SYT2: variants seen among roughly 807,000 people sequenced by gnomAD.
SYT2 encodes synaptotagmin 2.
In SYT2, 15 loss-of-function variants were observed where a neutral mutation model predicts 39.9. That is an observed-to-expected ratio of 0.38 (90% CI 0.25 to 0.58). SYT2 has a LOEUF of 0.58. Ranked by LOEUF, SYT2 falls within the 20% of genes least tolerant of loss-of-function variation. The pLI is 0.70. For synonymous variants in SYT2, 181 were observed against 204.5 expected, an observed-to-expected ratio of 0.89 and a Z score of 0.98; for missense variants, 389 against 530.3, an observed-to-expected ratio of 0.73 and a Z score of 2.62.
At position 202,602,930 on chromosome 1, in the gene SYT2, A is replaced by G; in HGVS notation, c.465+69T>C. On this transcript the variant is annotated intron_variant, in intron 4 of 8. Coordinates refer to ENST00000367268, the MANE Select transcript of SYT2 (RefSeq NM_177402.5). ...ACACATCTCTGAGGGAGCTGTTTCT[A>G]TCCCCCTTCCACCCAACTCCCAGGC... 16 of 1,499,472 alleles carry G rather than the reference A, an allele frequency of 1.1e-5. 1 individual carries two copies. The highest frequency in any genetic ancestry group is 1.3e-5 in the Non-Finnish European group (14 of 1,084,118). 92.9% of individuals were successfully genotyped at this position (1,499,472 alleles called of 1,614,324 possible).
chr1:202,636,489 G>C, intron 1 of SYT2: 2 of 774,578 alleles, frequency 2.6e-6, no homozygotes, highest in Non-Finnish European at 3.1e-6. Flanking sequence ...GAGAAAGACA[G>C]GCATCCCTCT....
At chr1:202,644,149 GAGGTAA>G (rs984275518) in intron 1 of SYT2, among the ~76,000 whole-genome samples, 14 of 152,202 alleles carry the variant, frequency 9.2e-5, no homozygotes, top group African/African-American at 2.4e-4. Flanking sequence ...CCTGGAGGGT[GAGGTAA>G]AGGCTGGTGC....
chr1:202,656,760 G>A (rs1692284547), intron 1 of SYT2, among the ~76,000 whole-genome samples: 1 of 152,182 alleles, frequency 6.6e-6, no homozygotes, highest in African/African-American at 2.4e-5. Flanking sequence ...GCTTCATGCA[G>A]GAATTCCCTA....
At chr1:202,702,921 C>T (rs921066160) in intron 1 of SYT2, among the ~76,000 whole-genome samples, 5 of 152,194 alleles carry the variant, frequency 3.3e-5, no homozygotes, top group African/African-American at 7.2e-5. Context: ...CCCCTCCTTG[C>T]GGCCTCACAG....
intron 1 of SYT2, among the ~76,000 whole-genome samples, chr1:202,613,068 C>T (rs506135): frequency 0.026 from 1,936 of 75,086 alleles, 180 homozygotes; most frequent in African/African-American, 0.027. Flanking sequence ...TTGGTTCTTC[C>T]TTTTTTTTTT....
chr1:202,616,446 C>T (rs1691035812), intron 1 of SYT2, among the ~76,000 whole-genome samples: 1 of 152,118 alleles, frequency 6.6e-6, no homozygotes, highest in African/African-American at 2.4e-5. Flanking sequence ...CCACCTGCTG[C>T]CTTGTTCTCC....
intron 1 of SYT2, among the ~76,000 whole-genome samples, chr1:202,606,260 C>T (rs1231645388): frequency 2.3e-4 from 35 of 152,168 alleles, no homozygotes; most frequent in Admixed American, 2.0e-3. Flanking sequence ...TCCAAGGTCA[C>T]TTAGCTGTAA....
At chr1:202,642,946 T>TAAAG (rs1393795705) in intron 1 of SYT2, among the ~76,000 whole-genome samples, 2 of 152,222 alleles carry the variant, frequency 1.3e-5, no homozygotes, top group Non-Finnish European at 2.9e-5. Context: ...TCTCGCCTTC[T>TAAAG]CTCCGCTTTG....
intron 8 of SYT2, among the ~76,000 whole-genome samples, chr1:202,598,422 G>A (rs1690376344): frequency 6.6e-6 from 1 of 152,208 alleles, no homozygotes; most frequent in Non-Finnish European, 1.5e-5. Context: ...GAGCTGCCCA[G>A]TGTTCCCTTG....
intron 1 of SYT2, among the ~76,000 whole-genome samples, chr1:202,612,660 C>T (rs1437935110): frequency 1.3e-5 from 2 of 152,198 alleles, no homozygotes; most frequent in Non-Finnish European, 2.9e-5. Flanking sequence ...AACCACTGCA[C>T]CAGGCCTGTT....
chr1:202,631,681 G>A lies in SYT2; in HGVS notation c.-17-25892C>T, dbSNP rs185745865. On this transcript the variant is annotated intron_variant, in intron 1 of 8. Transcript: ENST00000367268. ...GCGGGGGTCTCCTCTCTTCATGTGG[G>A]AGAATAGATTTAGGCTCAAAATGAA... Among the ~76,000 whole-genome samples, 1,028 of 152,288 alleles carry A rather than the reference G, an allele frequency of 6.8e-3. 10 individuals are homozygous for A. The highest frequency in any genetic ancestry group is 9.3e-3 in the Non-Finnish European group (632 of 68,034).
rs1263653085 is a variant in SYT2, at chr1:202,602,038, C to G, written c.653G>C (p.Gly218Ala). The G allele has an allele frequency of 2.5e-6, 4 of 1,614,008 alleles. No individual in the cohort carries two copies. In the African/African-American group the frequency reaches 5.3e-5, roughly 22 times the overall value. ...GATGGCCATCACCAGAGTTTTGCCC[C>G]CAAGCTCCTGGTATGGCACCTGCAG... is the stretch of plus-strand genomic sequence containing the variant. ...FTFKVPYQEL[G>A]GKTLVMAIYD... The change falls in exon 6 of 9, where the codon GGG becomes GCG. Residue 218 changes from glycine (G) to alanine (A), a missense_variant. Physicochemically the swap from Gly to Ala is moderately conservative, Grantham distance 60 (BLOSUM62 0). Around this residue, in one of 4 missense-constraint regions of SYT2, gnomAD observed 280 missense variants for 335.6 expected, o/e 0.83. Transcript: ENST00000367268.
chr1:202,607,091 T>C lies in SYT2; in HGVS notation c.-17-1302A>G, dbSNP rs147916189. ...AAATGTTGGTCTTCATTTAAGGCAA[T>C]GTTCTTACGAGCTTCCAAACTCTGC... On this transcript the variant is annotated intron_variant, in intron 1 of 8. Coordinates refer to ENST00000367268, the MANE Select transcript of SYT2 (RefSeq NM_177402.5). 6.1e-3 allele frequency among the ~76,000 whole-genome samples: 923 copies of C among 152,240 alleles called. 41 individuals are homozygous for C. Among genetic ancestry groups the C allele is most frequent in the Admixed American group, 0.055 (835 of 15,274 alleles).
At chr1:202,613,417 ATG>A (rs907650733) in intron 1 of SYT2, among the ~76,000 whole-genome samples, 1 of 151,466 alleles carries the variant, frequency 6.6e-6, no homozygotes, top group South Asian at 2.1e-4. Context: ...GTGTGTGTGC[ATG>A]TGTGTGTGTG....
At chr1:202,707,097 C>T (rs1228509565) in intron 1 of SYT2, among the ~76,000 whole-genome samples, 1 of 152,124 alleles carries the variant, frequency 6.6e-6, no homozygotes, top group African/African-American at 2.4e-5. Context: ...CTGTTTTGTT[C>T]CCACCTGAAT....
intron 5 of SYT2, 41 bp from the exon 6 acceptor site, chr1:202,602,098 C>A: frequency 1.2e-6 from 2 of 1,608,074 alleles, no homozygotes; most frequent in South Asian, 1.1e-5. Context: ...CAGAGCGACT[C>A]ACGCACCTCC....
At chr1:202,610,123 G>T (rs1690845368) in intron 1 of SYT2, among the ~76,000 whole-genome samples, 1 of 152,136 alleles carries the variant, frequency 6.6e-6, no homozygotes. Flanking sequence ...AGTTTTCCCA[G>T]CACCATTTAT....
intron 1 of SYT2, among the ~76,000 whole-genome samples, chr1:202,687,574 C>A (rs1005500901): frequency 6.6e-6 from 1 of 150,860 alleles, no homozygotes; most frequent in African/African-American, 2.4e-5. Flanking sequence ...CTTGACCAGA[C>A]GCCAGGGAGA....
chr1:202,662,377 G>A (rs1692398459), intron 1 of SYT2, among the ~76,000 whole-genome samples: 1 of 152,234 alleles, frequency 6.6e-6, no homozygotes, highest in South Asian at 2.1e-4. Context: ...TACATTCAAG[G>A]CAAGAAAGTT....
Sources: gnomAD v4.1 joint callset for allele counts (sites outside exome capture counted in the v4.1 genomes callset) on GRCh38, gnomAD v4.1.1 for gene constraint, gnomAD v4.1.1 regional missense constraint, MANE v1.5 for transcripts, NCBI Gene and HGNC (gene_info 2026-07-23, HGNC 2026-07-21) for gene names.